Variants in RIPPLY3 observed in about 807,000 individuals in gnomAD.
RIPPLY3 encodes the protein ripply transcriptional repressor 3.
Under a neutral mutation model 11.9 loss-of-function variants are expected in RIPPLY3, and 8 were observed. The ratio of observed to expected loss-of-function variants is 0.67; its 90% CI spans 0.40 to 1.21. RIPPLY3 has a LOEUF of 1.21. Among genes scored for constraint, RIPPLY3 ranks in the 50% most tolerant of loss-of-function variants. RIPPLY3 has a pLI of 0.01. For missense variants in RIPPLY3, 271 were observed against 246.0 expected (o/e 1.10, Z -0.68); for synonymous variants, 102 against 99.0 (o/e 1.03, Z -0.18).
At chr21:37,011,970 A>T (rs2069527211) in intron 2 of RIPPLY3, among the ~76,000 whole-genome samples, 1 of 149,214 alleles carries the variant, frequency 6.7e-6, no homozygotes, top group Admixed American at 6.7e-5. Flanking sequence ...GGCAGGGAAA[A>T]TGTAATGTCT....
chr21:37,011,235 C>G (rs1029028377), intron 2 of RIPPLY3, among the ~76,000 whole-genome samples: 1 of 152,222 alleles, frequency 6.6e-6, no homozygotes, highest in Non-Finnish European at 1.5e-5. Flanking sequence ...AACTCCTGAC[C>G]TCAGATCGTG....
chr21:37,014,263 A>G (rs1006941607), intron 3 of RIPPLY3, among the ~76,000 whole-genome samples: 3 of 152,118 alleles, frequency 2.0e-5, no homozygotes, highest in Admixed American at 2.0e-4. Flanking sequence ...GGTTGCAGTG[A>G]GCCGAGATCA....
chr21:37,007,368 G>A (rs1214093276), intron 1 of RIPPLY3, among the ~76,000 whole-genome samples: 2 of 151,032 alleles, frequency 1.3e-5, no homozygotes, highest in Non-Finnish European at 2.9e-5. Context: ...AGGCCGGATG[G>A]GCCAGGTAGC....
Position 37,006,710 on chromosome 21 carries a change from G to A in RIPPLY3, c.-63G>A. ...CGCGGGTAGGTGAGCGCGTTAGCCC[G>A]AGTGGATCTAGGCGCGCTCGTAGGC... On this transcript the variant is annotated 5_prime_UTR_variant, in exon 1 of 4. Coordinates refer to ENST00000329553, the MANE Select transcript of RIPPLY3 (RefSeq NM_018962.3). This position sits in a 1 kb window ranked among gnomAD's most constrained non-coding sequence, Gnocchi z 5.2. 1 of 1,073,296 alleles carries A rather than the reference G, an allele frequency of 9.3e-7. No homozygotes were observed. The highest frequency in any genetic ancestry group is 1.2e-6 in the Non-Finnish European group (1 of 846,852). The allele number at this position is 1,073,296 out of a possible 1,614,324, so 66.5% of individuals were successfully genotyped here.
chr21:37,016,016 A>G (rs2069574827), intron 3 of RIPPLY3, among the ~76,000 whole-genome samples: 1 of 151,746 alleles, frequency 6.6e-6, no homozygotes, highest in Admixed American at 6.6e-5. Context: ...GTCCCACCCC[A>G]GCATATTCTA....
intron 3 of RIPPLY3, among the ~76,000 whole-genome samples, chr21:37,013,953 A>T (rs902512946): frequency 1.3e-5 from 2 of 152,150 alleles, no homozygotes; most frequent in Admixed American, 1.3e-4. Flanking sequence ...TTATATATTG[A>T]GGTATATTTC....
intron 2 of RIPPLY3, among the ~76,000 whole-genome samples, chr21:37,012,139 G>T (rs1312412252): frequency 6.6e-6 from 1 of 150,918 alleles, no homozygotes; most frequent in Non-Finnish European, 1.5e-5. Flanking sequence ...TTTCTCATCT[G>T]GTTCCAATTG....
chr21:37,013,553 T>C lies in RIPPLY3; in HGVS notation c.174T>C (p.Leu58=), dbSNP rs374803969. 22 of 1,613,284 alleles carry C rather than the reference T, an allele frequency of 1.4e-5. No individual in the cohort carries two copies. Among genetic ancestry groups the C allele is most frequent in the Non-Finnish European group, 1.9e-5 (22 of 1,179,434 alleles). The stretch of plus-strand genomic sequence containing the variant: ...TTTGTATGTGTCTGTCGTTACAGCT[T>C]GAACCTAGGGCTGACCAACACACTT... The part of the protein sequence containing the change: ...DAELTRTGRP[L]EPRADQHTFG... Residue 58 remains leucine, a splice_region_variant and synonymous_variant, in exon 3 of 4, where the codon CTT becomes CTC. Transcript: ENST00000329553.
chr21:37,007,769 A>T (rs1410725906), intron 1 of RIPPLY3, among the ~76,000 whole-genome samples: 1 of 152,124 alleles, frequency 6.6e-6, no homozygotes, highest in Admixed American at 6.6e-5. Context: ...CTGTAGAATC[A>T]ATCTCCTTCC....
chr21:37,012,261 C>T (rs1193458983), intron 2 of RIPPLY3, among the ~76,000 whole-genome samples: 3 of 130,052 alleles, frequency 2.3e-5, no homozygotes, highest in East Asian at 2.2e-4. Flanking sequence ...ATTTTTGAGA[C>T]GGAGTCTCGC....
rs1481204487 is a variant in RIPPLY3, at chr21:37,018,664, T to G, written c.*457T>G. 2 of 153,808 alleles carry G rather than the reference T, an allele frequency of 1.3e-5. No individual in the cohort carries two copies. Among genetic ancestry groups the G allele is most frequent in the African/African-American group, 4.8e-5 (2 of 41,456 alleles). The allele number at this position is 153,808 out of a possible 1,614,324, so 9.5% of individuals were successfully genotyped here. A position where few individuals can be genotyped will look rare whatever the true frequency, so the allele number is the denominator to read the frequency against. On this transcript the variant is annotated 3_prime_UTR_variant, in exon 4 of 4. Coordinates refer to ENST00000329553, the MANE Select transcript of RIPPLY3 (RefSeq NM_018962.3). ...TCATCCAAGGGTAGATGTAGTTGCT[T>G]AGTAGCATTTTGGAAAAAAAAGAAA...
intron 2 of RIPPLY3, among the ~76,000 whole-genome samples, chr21:37,008,496 G>C (rs893770700): frequency 6.6e-6 from 1 of 152,050 alleles, no homozygotes; most frequent in Non-Finnish European, 1.5e-5. Context: ...GGTGGCTCGG[G>C]CCTGTAATCT....
At position 37,017,907 on chromosome 21, in the gene RIPPLY3, C is replaced by T. The variant is rs779534430; in HGVS notation, c.273C>T (p.Tyr91=). The T allele has an allele frequency of 3.1e-6, 5 of 1,613,796 alleles. No individual in the cohort carries two copies. The highest frequency in any genetic ancestry group is 1.1e-5 in the South Asian group (1 of 91,042). ...TACCCATGTCAAAGCGTCAAGAATA[C>T]CTGCGGAGTTCCGGGGAGCAAGTAC... is the stretch of plus-strand genomic sequence containing the variant. ...VYLPMSKRQE[Y]LRSSGEQVLA... Residue 91 remains tyrosine, a synonymous_variant, in exon 4 of 4, where the codon TAC becomes TAT. Transcript: ENST00000329553.
intron 2 of RIPPLY3, among the ~76,000 whole-genome samples, chr21:37,011,443 A>G (rs1468277109): frequency 1.3e-5 from 2 of 152,218 alleles, no homozygotes; most frequent in Non-Finnish European, 2.9e-5. Context: ...GACACCTGCC[A>G]CTGCCGAGTT....
intron 3 of RIPPLY3, 136 bp from the exon 4 acceptor site, chr21:37,017,738 A>T (rs1049541643): frequency 4.1e-6 from 3 of 728,740 alleles, no homozygotes; most frequent in Non-Finnish European, 6.6e-6. Flanking sequence ...TGATGACTTA[A>T]ATTCTGTGTG....
At chr21:37,012,178 C>T (rs1055726328) in intron 2 of RIPPLY3, among the ~76,000 whole-genome samples, 79 of 150,246 alleles carry the variant, frequency 5.3e-4, no homozygotes, top group Non-Finnish European at 8.7e-4. Context: ...TTTGGGGTTT[C>T]TGATGCACTG....
At chr21:37,011,284 G>A (rs1339520715) in intron 2 of RIPPLY3, among the ~76,000 whole-genome samples, 1 of 152,200 alleles carries the variant, frequency 6.6e-6, no homozygotes, top group African/African-American at 2.4e-5. Context: ...TGGTAATTAC[G>A]GGCGTGAGCC....
intron 3 of RIPPLY3, among the ~76,000 whole-genome samples, chr21:37,016,340 G>T (rs2069578251): frequency 1.3e-5 from 2 of 152,088 alleles, no homozygotes; most frequent in Non-Finnish European, 2.9e-5. Context: ...TCCCCTCGAG[G>T]TCGAGAACCA....
chr21:37,010,208 A>G (rs73198032), intron 2 of RIPPLY3, among the ~76,000 whole-genome samples: 26,921 of 152,058 alleles, frequency 0.18, 2,702 homozygotes, highest in South Asian at 0.32. Flanking sequence ...TAAAACCTCA[A>G]GTAGGCCGGG....
Sources: gnomAD v4.1 joint callset for allele counts (sites outside exome capture counted in the v4.1 genomes callset) on GRCh38, gnomAD v4.1.1 for gene constraint, Gnocchi (gnomAD v3.1) non-coding constraint, MANE v1.5 for transcripts, NCBI Gene and HGNC (gene_info 2026-07-23, HGNC 2026-07-21) for gene names.